The following PPM1L variants were observed in gnomAD, a reference collection of about 807,000 sequenced individuals.
The protein encoded by PPM1L is protein phosphatase 1L.
A neutral mutation model predicts 31.4 loss-of-function variants in PPM1L; 13 were observed. The ratio of observed to expected loss-of-function variants is 0.41; its 90% CI spans 0.27 to 0.66. The LOEUF (loss-of-function observed/expected upper bound fraction) is 0.66, where lower values mean the gene tolerates loss of function less well. Ranked by LOEUF, PPM1L falls within the 30% of genes least tolerant of loss-of-function variation. PPM1L has a pLI of 0.29. For synonymous variants in PPM1L, 184 were observed against 175.4 expected (o/e 1.05, Z -0.39); for missense variants, 326 against 453.7 (o/e 0.72, Z 2.56).
intron 2 of PPM1L, among the ~76,000 whole-genome samples, chr3:161,051,668 T>C (rs1719284706): frequency 1.3e-5 from 2 of 152,150 alleles, no homozygotes; most frequent in Admixed American, 1.3e-4. Context: ...ATTAATAATA[T>C]TATTGGATCA....
At chr3:160,974,316 A>G (rs1345958552) in intron 2 of PPM1L, among the ~76,000 whole-genome samples, 1 of 151,772 alleles carries the variant, frequency 6.6e-6, no homozygotes. Context: ...ATTGTGAATA[A>G]TGCCGCAATA....
At chr3:160,844,438 T>C (rs1450474860) in intron 1 of PPM1L, among the ~76,000 whole-genome samples, 1 of 152,160 alleles carries the variant, frequency 6.6e-6, no homozygotes, top group East Asian at 1.9e-4. Context: ...AAATGGAGAA[T>C]ATTTAACTTG....
intron 1 of PPM1L, among the ~76,000 whole-genome samples, chr3:160,862,662 G>GCACACACACACACA (rs6148164): frequency 1.3e-4 from 16 of 127,216 alleles, no homozygotes; most frequent in East Asian, 4.5e-4. Flanking sequence ...CTAGGCACAC[G>GCACACACACACACA]CACACACACA....
In PPM1L at chr3:160,756,781, GTGTGTGTGTA is replaced by G. The variant is rs1714820310; in HGVS notation, c.399+76_399+85del. 30 of 1,422,808 alleles carry G rather than the reference GTGTGTGTGTA, an allele frequency of 2.1e-5. No homozygotes were observed. The African/African-American group carries it at 2.6e-4, about 12-fold the overall frequency. The allele number at this position is 1,422,808 out of a possible 1,614,324, so 88.1% of individuals were successfully genotyped here. A position where few individuals can be genotyped will look rare whatever the true frequency, so the allele number is the denominator to read the frequency against. ...TGTGTGTGTGTGTGTGTGTGTGTGT[GTGTGTGTGTA>G]TAAACAACAGGACAGCGTGTGCGCA... On this transcript the variant is annotated intron_variant, in intron 1 of 3. Transcript: ENST00000498165. This position sits in a 1 kb window ranked among gnomAD's most constrained non-coding sequence, Gnocchi z 6.2.
chr3:160,962,271 C>G (rs998169806), intron 2 of PPM1L, among the ~76,000 whole-genome samples: 11 of 151,496 alleles, frequency 7.3e-5, no homozygotes, highest in African/African-American at 2.4e-4. Flanking sequence ...TAGATATTTT[C>G]TTTTCTAAAG....
intron 2 of PPM1L, among the ~76,000 whole-genome samples, chr3:161,035,262 C>G (rs1718712419): frequency 6.6e-6 from 1 of 150,774 alleles, no homozygotes; most frequent in African/African-American, 2.4e-5. Context: ...GAGCTTTGTT[C>G]TGCTTATTGA....
intron 2 of PPM1L, among the ~76,000 whole-genome samples, chr3:161,028,059 C>T (rs1469845177): frequency 2.0e-5 from 3 of 152,182 alleles, no homozygotes; most frequent in Non-Finnish European, 2.9e-5. Flanking sequence ...AGACCCAAAA[C>T]CTGTGCTCTT....
intron 1 of PPM1L, among the ~76,000 whole-genome samples, chr3:160,919,586 GA>G (rs934864011): frequency 2.6e-5 from 4 of 152,164 alleles, no homozygotes; most frequent in Admixed American, 2.6e-4. Flanking sequence ...CAAAAGCTAA[GA>G]ACGCGTAGCT....
At chr3:160,987,460 A>T (rs1207015521) in intron 2 of PPM1L, among the ~76,000 whole-genome samples, 1 of 152,134 alleles carries the variant, frequency 6.6e-6, no homozygotes, top group African/African-American at 2.4e-5. Flanking sequence ...CTATACCCAA[A>T]CTTGATGTAT....
At chr3:160,984,019 T>A (rs1478341840) in intron 2 of PPM1L, among the ~76,000 whole-genome samples, 1 of 152,204 alleles carries the variant, frequency 6.6e-6, no homozygotes, top group South Asian at 2.1e-4. Context: ...GAATCACTAA[T>A]GAACTTCCGT....
At chr3:160,814,379 A>G (rs1391907540) in intron 1 of PPM1L, among the ~76,000 whole-genome samples, 10 of 152,112 alleles carry the variant, frequency 6.6e-5, no homozygotes, top group Admixed American at 3.9e-4. Context: ...ACACTCGCAC[A>G]TGCATGTTTA....
chr3:160,892,964 C>A (rs1423232881), intron 1 of PPM1L, among the ~76,000 whole-genome samples: 1 of 151,986 alleles, frequency 6.6e-6, no homozygotes, highest in African/African-American at 2.4e-5. Flanking sequence ...TAACAAAGAT[C>A]CCTATGTTAC....
intron 1 of PPM1L, among the ~76,000 whole-genome samples, chr3:160,928,490 G>A (rs539827322): frequency 1.2e-4 from 18 of 152,324 alleles, no homozygotes; most frequent in South Asian, 4.1e-4. Context: ...AAGGATCAGC[G>A]TTTGGAGCTA....
At chr3:160,976,276 C>T (rs1334604136) in intron 2 of PPM1L, among the ~76,000 whole-genome samples, 5 of 146,384 alleles carry the variant, frequency 3.4e-5, no homozygotes, top group South Asian at 2.3e-4. Context: ...TTCGGTTTGC[C>T]AGTATTTTAT....
chr3:160,892,231 G>T (rs541587472), intron 1 of PPM1L, among the ~76,000 whole-genome samples: 16 of 152,310 alleles, frequency 1.1e-4, no homozygotes, highest in East Asian at 3.9e-4. Context: ...CATGGTGCTG[G>T]CATCTGCTTG....
At chr3:160,918,834 A>G (rs1279240341) in intron 1 of PPM1L, among the ~76,000 whole-genome samples, 2 of 152,206 alleles carry the variant, frequency 1.3e-5, no homozygotes, top group Non-Finnish European at 2.9e-5. Context: ...GAAAAAGCTC[A>G]TTACTGACAA....
At position 160,756,850 on chromosome 3, in the gene PPM1L, A is replaced by G; in HGVS notation, c.399+143A>G. Reference sequence around the variant, plus strand: ...GGATCTGGGTGCGAGGGGCGTGGTGATGACACCACGGTGCCTGGCTGGACA... The same window carrying G: ...GGATCTGGGTGCGAGGGGCGTGGTGGTGACACCACGGTGCCTGGCTGGACA... On this transcript the variant is annotated intron_variant, in intron 1 of 3. Transcript: ENST00000498165. This position sits in a 1 kb window ranked among gnomAD's most constrained non-coding sequence, Gnocchi z 6.2. The G allele has an allele frequency of 1.1e-6, 1 of 914,696 alleles. No homozygotes were observed. Among genetic ancestry groups the G allele is most frequent in the Non-Finnish European group, 1.6e-6 (1 of 621,976 alleles). The allele number at this position is 914,696 out of a possible 1,614,324, so 56.7% of individuals were successfully genotyped here. A position where few individuals can be genotyped will look rare whatever the true frequency, so the allele number is the denominator to read the frequency against.
intron 1 of PPM1L, among the ~76,000 whole-genome samples, chr3:160,828,063 C>G (rs9852671): frequency 6.6e-6 from 1 of 151,888 alleles, no homozygotes; most frequent in Non-Finnish European, 1.5e-5. Flanking sequence ...GGGATCCACC[C>G]TCATGACGCA....
chr3:160,980,714 A>AAGAAAG (rs1553751948), intron 2 of PPM1L, among the ~76,000 whole-genome samples: 37 of 148,912 alleles, frequency 2.5e-4, no homozygotes, highest in Non-Finnish European at 5.1e-4. Flanking sequence ...GAGAAAAAAA[A>AAGAAAG]AGAGAGAGAG....
Sources: allele counts gnomAD v4.1 joint callset (sites outside exome capture counted in the v4.1 genomes callset), GRCh38; gene constraint gnomAD v4.1.1; non-coding constraint Gnocchi (gnomAD v3.1); transcripts MANE v1.5; gene names NCBI Gene and HGNC (gene_info 2026-07-23, HGNC 2026-07-21).